The following MARK4 variants were observed in gnomAD, a reference collection of about 807,000 sequenced individuals.
MARK4 encodes the protein MAP/microtubule affinity-regulating kinase 4.
A neutral mutation model predicts 81.5 loss-of-function variants in MARK4; 19 were observed. The observed-to-expected ratio is 0.23, with a 90% CI of 0.16 to 0.34. The LOEUF is 0.34. Ranked by LOEUF, MARK4 falls within the 10% of genes least tolerant of loss-of-function variation. MARK4 has a pLI of 1.00. For synonymous variants in MARK4, 436 were observed against 439.0 expected (o/e 0.99, Z 0.08); for missense variants, 772 against 1,058.8 (o/e 0.73, Z 3.76).
chr19:45,283,998 C>T (rs1195389820), intron 12 of MARK4, among the ~76,000 whole-genome samples: 2 of 151,918 alleles, frequency 1.3e-5, no homozygotes, highest in Non-Finnish European at 2.9e-5. Context: ...TTTTCTAGAT[C>T]TCTCAGCTCC....
Position 45,297,158 on chromosome 19 carries a change from C to T in MARK4, c.1599-518C>T, listed in dbSNP as rs1007438536. 3.3e-5 allele frequency among the ~76,000 whole-genome samples: 5 copies of T among 152,132 alleles called. No individual in the cohort carries two copies. The East Asian group carries it at 9.6e-4, about 29-fold the overall frequency. ...GAACTCAGGAGATGGAGGTCTGGCC[C>T]CTGCTGTCGACTAGGAGGGTCCGAG... On this transcript the variant is annotated intron_variant, in intron 14 of 16. Coordinates refer to ENST00000262891, the MANE Select transcript of MARK4 (RefSeq NM_001199867.2).
Position 45,264,894 on chromosome 19 carries a change from G to A in MARK4, c.476G>A (p.Arg159Gln), listed in dbSNP as rs565736296. Residue 159 changes from arginine (R) to glutamine (Q), a missense_variant, in exon 6 of 17, where the codon CGA (arginine) becomes CAA (glutamine). This residue lies in a region of MARK4 where 109 missense variants were observed against 294.7 expected (regional missense o/e 0.37). Coordinates refer to ENST00000262891, the MANE Select transcript of MARK4 (RefSeq NM_001199867.2). ...SHGRMKEKEA[R>Q]AKFRQIVSAV... ...GGCCGCATGAAGGAGAAGGAAGCTC[G>A]AGCCAAGTTCCGACAGGTTGGGGCA... The A allele has an allele frequency of 2.5e-6, 4 of 1,614,066 alleles. No homozygotes were observed. Among genetic ancestry groups the A allele is most frequent in the South Asian group, 1.1e-5 (1 of 91,066 alleles).
intron 2 of MARK4, among the ~76,000 whole-genome samples, chr19:45,259,721 G>GGT (rs1354343888): frequency 2.0e-5 from 3 of 152,094 alleles, no homozygotes; most frequent in African/African-American, 4.8e-5. Flanking sequence ...GCTGCGGTGA[G>GGT]GTGTGACCTC....
chr19:45,258,978 C>T lies in MARK4; in HGVS notation c.52-11C>T. Reference sequence around the variant, plus strand: ...GGATTGGATAGCTCATGCTCCATCTCCCCCGCCCAGCATGGCACCTTGGGC... The same window carrying T: ...GGATTGGATAGCTCATGCTCCATCTTCCCCGCCCAGCATGGCACCTTGGGC... On this transcript the variant is annotated splice_polypyrimidine_tract_variant and intron_variant, in intron 1 of 16. Coordinates refer to ENST00000262891, the MANE Select transcript of MARK4 (RefSeq NM_001199867.2). 13 of 1,610,664 alleles carry T rather than the reference C, an allele frequency of 8.1e-6. No homozygotes were observed. Among genetic ancestry groups the T allele is most frequent in the Non-Finnish European group, 1.1e-5 (13 of 1,179,066 alleles).
intron 7 of MARK4, among the ~76,000 whole-genome samples, chr19:45,268,315 G>C (rs148119020): frequency 6.6e-6 from 1 of 151,920 alleles, no homozygotes; most frequent in African/African-American, 2.4e-5. Flanking sequence ...GGCTGGACGC[G>C]GTGGCTCTCA....
intron 12 of MARK4, among the ~76,000 whole-genome samples, chr19:45,282,558 C>T (rs1438699027): frequency 1.3e-5 from 2 of 151,358 alleles, no homozygotes; most frequent in South Asian, 2.1e-4. Context: ...CCAGGCACAG[C>T]GGCTCACGCC....
In MARK4 at chr19:45,260,542, C is replaced by CTGAAAAA. The variant is rs534092706; in HGVS notation, c.252+1353_252+1354insTGAAAAA. 4.7e-3 allele frequency among the ~76,000 whole-genome samples: 708 copies of CTGAAAAA among 150,912 alleles called. 4 individuals are homozygous for CTGAAAAA. The highest frequency in any genetic ancestry group is 0.017 in the African/African-American group (689 of 41,108). On this transcript the variant is annotated intron_variant, in intron 2 of 16. Coordinates refer to ENST00000262891, the MANE Select transcript of MARK4 (RefSeq NM_001199867.2). ...CCCCATCTTTACTGAAAAAAAAATA[C>CTGAAAAA]AAAAATTAGCTGGGTGTGGTGGTGC...
At chr19:45,284,477 C>T (rs1240434941) in intron 12 of MARK4, among the ~76,000 whole-genome samples, 1 of 152,098 alleles carries the variant, frequency 6.6e-6, no homozygotes, top group Admixed American at 6.5e-5. Flanking sequence ...TGTCCACCAC[C>T]ACGCCCAGCT....
At position 45,271,686 on chromosome 19, in the gene MARK4, C is replaced by A; in HGVS notation, c.764C>A (p.Pro255His). ...TACACCCTCGTCAGCGGCTCCCTGCCCTTCGACGGGCACAACCTCAAGGTA... is the reference window on the plus strand; with the variant it reads ...TACACCCTCGTCAGCGGCTCCCTGCACTTCGACGGGCACAACCTCAAGGTA... Reference protein sequence around the residue: ...ILYTLVSGSLPFDGHNLKELR... With the variant: ...ILYTLVSGSLHFDGHNLKELR... Residue 255 changes from proline (P) to histidine (H), a missense_variant, in exon 8 of 17, where the codon CCC becomes CAC. By Grantham distance (77) the Pro-to-His change is moderately conservative (BLOSUM62 -2). Around this residue, in one of 3 missense-constraint regions of MARK4, gnomAD observed 109 missense variants for 294.7 expected, o/e 0.37. Coordinates refer to ENST00000262891, the MANE Select transcript of MARK4 (RefSeq NM_001199867.2). The surrounding 1 kb of genome is among the most constrained non-coding windows in gnomAD (Gnocchi z 4.1). The A allele has an allele frequency of 6.2e-7, 1 of 1,614,066 alleles. No homozygotes were observed.
chr19:45,262,883 G>C (rs1049612472), intron 2 of MARK4: 6 of 494,766 alleles, frequency 1.2e-5, no homozygotes, highest in South Asian at 6.4e-5. Flanking sequence ...TTCCAACTCA[G>C]CCTCCAGAGT....
intron 1 of MARK4, among the ~76,000 whole-genome samples, chr19:45,252,862 T>A: frequency 6.6e-6 from 1 of 151,920 alleles, no homozygotes; most frequent in African/African-American, 2.4e-5. Flanking sequence ...CCCAGACCCT[T>A]CTCTGGTTTC....
At chr19:45,290,255 TG>T (rs1419979296) in intron 13 of MARK4, among the ~76,000 whole-genome samples, 1 of 152,290 alleles carries the variant, frequency 6.6e-6, no homozygotes, top group Admixed American at 6.5e-5. Context: ...AAGGTCTCAC[TG>T]CATGGCTGTT....
rs201285095 is a variant in MARK4 at position 45,259,450 on chromosome 19, A to C, written c.252+261A>C. 1.8e-4 allele frequency among the ~76,000 whole-genome samples: 28 copies of C among 152,276 alleles called. No homozygotes were observed. In the East Asian group the frequency reaches 5.4e-3, roughly 29 times the overall value. On this transcript the variant is annotated intron_variant, in intron 2 of 16. Transcript: ENST00000262891. ...CCAATGTGTGCGTTGCTAAGGATGC[A>C]TGTGGCTTTTGTAGATAAACCTGAG...
At chr19:45,282,716 T>G (rs1335721897) in intron 12 of MARK4, among the ~76,000 whole-genome samples, 2 of 152,040 alleles carry the variant, frequency 1.3e-5, no homozygotes, top group Non-Finnish European at 2.9e-5. Flanking sequence ...TCCCAGCTAC[T>G]CGGGAGGCTG....
At chr19:45,261,453 A>G (rs566272447) in intron 2 of MARK4, among the ~76,000 whole-genome samples, 1 of 152,330 alleles carries the variant, frequency 6.6e-6, no homozygotes, top group East Asian at 1.9e-4. Context: ...AAGAGAAACC[A>G]TATGATCGTC....
rs569606842 is a variant in MARK4, at chr19:45,260,636, G to A, written c.252+1447G>A. 8.6e-3 allele frequency among the ~76,000 whole-genome samples: 1,315 copies of A among 152,150 alleles called. 7 individuals are homozygous for A. Among genetic ancestry groups the A allele is most frequent in the Middle Eastern group, 0.017 (5 of 294 alleles). The stretch of plus-strand genomic sequence containing the variant: ...CACTGGAACCCAGGAGGCGAAGGCC[G>A]CAGTGAGCCGAGATTGTGCCACTGC... On this transcript the variant is annotated intron_variant, in intron 2 of 16. Transcript: ENST00000262891.
intron 7 of MARK4, among the ~76,000 whole-genome samples, chr19:45,267,455 G>A (rs1183034027): frequency 6.6e-6 from 1 of 152,184 alleles, no homozygotes; most frequent in Non-Finnish European, 1.5e-5. Context: ...AGCTGAGCCA[G>A]GCAGCCTCCT....
chr19:45,263,173 C>T lies in MARK4; in HGVS notation c.306+7C>T. ...TCCCAGCAGCCTGCAGAAGGTGAGGCTGGGGAGACGGGGGAGAGCAGGAGC... is the reference window on the plus strand; with the variant it reads ...TCCCAGCAGCCTGCAGAAGGTGAGGTTGGGGAGACGGGGGAGAGCAGGAGC... On this transcript the variant is annotated splice_region_variant and intron_variant, in intron 3 of 16. Transcript: ENST00000262891. 1 of 1,610,128 alleles carries T rather than the reference C, an allele frequency of 6.2e-7. No individual in the cohort carries two copies.
At chr19:45,262,568 C>G (rs1970394002) in intron 2 of MARK4, among the ~76,000 whole-genome samples, 1 of 152,210 alleles carries the variant, frequency 6.6e-6, no homozygotes, top group African/African-American at 2.4e-5. Flanking sequence ...AAAGGGATCC[C>G]CTCAAGGTCT....
Sources: gnomAD v4.1 joint callset for allele counts (sites outside exome capture counted in the v4.1 genomes callset) on GRCh38, gnomAD v4.1.1 for gene constraint, gnomAD v4.1.1 regional missense constraint, Gnocchi (gnomAD v3.1) non-coding constraint, MANE v1.5 for transcripts, NCBI Gene and HGNC (gene_info 2026-07-23, HGNC 2026-07-21) for gene names.